The following FABP6 variants were observed in gnomAD, a reference collection of about 807,000 sequenced individuals.
The protein encoded by FABP6 is gastrotropin.
FABP6 carries 13 observed loss-of-function variants against 14.9 expected under a neutral mutation model. That is an observed-to-expected ratio of 0.87 (90% confidence interval 0.57 to 1.39). The LOEUF is 1.39. Among genes scored for constraint, FABP6 ranks in the 40% most tolerant of loss-of-function variants. FABP6 has a pLI of 0.00. For synonymous variants in FABP6, 75 were observed against 63.6 expected (o/e 1.18, Z -0.85); for missense variants, 161 against 167.2 (o/e 0.96, Z 0.20).
intron 3 of FABP6, among the ~76,000 whole-genome samples, chr5:160,218,737 G>C (rs534005615): frequency 6.6e-6 from 1 of 150,490 alleles, no homozygotes; most frequent in African/African-American, 2.4e-5. Context: ...TTGGGATTAC[G>C]GGCATGAGCC....
intron 2 of FABP6, among the ~76,000 whole-genome samples, chr5:160,201,625 G>A (rs1250551845): frequency 6.6e-6 from 1 of 151,968 alleles, no homozygotes; most frequent in Non-Finnish European, 1.5e-5. Flanking sequence ...AGCCAGGTGG[G>A]ATTCCCTCTC....
intron 2 of FABP6, among the ~76,000 whole-genome samples, chr5:160,201,069 T>C (rs1409402339): frequency 6.6e-6 from 1 of 152,104 alleles, no homozygotes; most frequent in Non-Finnish European, 1.5e-5. Context: ...AAACTAGTAG[T>C]TTTGAGTTGG....
At chr5:160,206,772 G>A (rs1580905705) in intron 2 of FABP6, among the ~76,000 whole-genome samples, 1 of 152,182 alleles carries the variant, frequency 6.6e-6, no homozygotes, top group African/African-American at 2.4e-5. Flanking sequence ...GAAATAGTTA[G>A]GAGAGGGACT....
chr5:160,232,902 AAAAT>A (rs1055890861), intron 2 of FABP6, among the ~76,000 whole-genome samples: 3 of 151,384 alleles, frequency 2.0e-5, no homozygotes, highest in African/African-American at 4.9e-5. Context: ...ATCACACAAA[AAAAT>A]AAATAAATAA....
upstream of FABP6, among the ~76,000 whole-genome samples, chr5:160,226,559 A>G (rs1314639345): frequency 6.6e-6 from 1 of 151,938 alleles, no homozygotes; most frequent in Non-Finnish European, 1.5e-5. Context: ...GTAAATATAA[A>G]CTATACACTG....
intron 3 of FABP6, among the ~76,000 whole-genome samples, chr5:160,235,830 A>G (rs1760502330): frequency 6.6e-6 from 1 of 151,952 alleles, no homozygotes; most frequent in Admixed American, 6.6e-5. Context: ...AGCCCTGTCA[A>G]GAGGAAAGGA....
intron 2 of FABP6, among the ~76,000 whole-genome samples, chr5:160,199,498 C>T (rs932038839): frequency 1.3e-5 from 2 of 152,120 alleles, no homozygotes; most frequent in Non-Finnish European, 2.9e-5. Context: ...CGGGCCGTGC[C>T]GTGCCAAGCC....
chr5:160,236,431 CA>C (rs1463355870), intron 3 of FABP6, among the ~76,000 whole-genome samples: 1 of 152,146 alleles, frequency 6.6e-6, no homozygotes, highest in Non-Finnish European at 1.5e-5. Flanking sequence ...TGACCTTTAT[CA>C]TATGGGTTTG....
chr5:160,232,089 C>T lies in FABP6; in HGVS notation c.68-9C>T, dbSNP rs192505704. The stretch of plus-strand genomic sequence containing the variant: ...CTTATATGGCTACTCTGCTTGTCCC[C>T]GGGTCCAGGGATCTCCAGCGATGTA... On this transcript the variant is annotated splice_polypyrimidine_tract_variant and intron_variant, in intron 1 of 3. Coordinates refer to ENST00000402432, the MANE Select transcript of FABP6 (RefSeq NM_001445.3). The T allele has an allele frequency of 1.7e-4, 280 of 1,613,170 alleles. No individual in the cohort carries two copies. The East Asian group carries it at 4.8e-3, about 28-fold the overall frequency.
At chr5:160,205,058 G>T (rs1349705357) in intron 2 of FABP6, among the ~76,000 whole-genome samples, 3 of 152,090 alleles carry the variant, frequency 2.0e-5, no homozygotes, top group African/African-American at 7.2e-5. Context: ...AAAACTGAAA[G>T]TTTCTCAGAG....
chr5:160,229,428 GAGA>G, upstream of FABP6: 2 of 1,539,808 alleles, frequency 1.3e-6, no homozygotes, highest in Admixed American at 1.9e-5. Flanking sequence ...GGACAGGAGG[GAGA>G]AGAAGTGGGG....
Position 160,229,634 on chromosome 5 carries a change from C to G in FABP6, c.67+10C>G, listed in dbSNP as rs765150390. The G allele has an allele frequency of 6.2e-7, 1 of 1,613,368 alleles. No individual in the cohort carries two copies. The highest frequency in any genetic ancestry group is 8.5e-7 in the Non-Finnish European group (1 of 1,179,524). ...TTCATGAAGCTCCTTGGTGAGTGAG[C>G]TCCTGGGTATCCCTTCCTCGGGGTT... On this transcript the variant is annotated intron_variant, in intron 1 of 3. Coordinates refer to ENST00000402432, the MANE Select transcript of FABP6 (RefSeq NM_001445.3).
At chr5:160,212,620 C>G (rs1405292011) in intron 2 of FABP6, among the ~76,000 whole-genome samples, 3 of 152,100 alleles carry the variant, frequency 2.0e-5, no homozygotes, top group Admixed American at 2.0e-4. Flanking sequence ...AGGCACCCAC[C>G]ACCACGCCTG....
intron 2 of FABP6, among the ~76,000 whole-genome samples, chr5:160,208,290 TAGTC>T (rs1229479739): frequency 6.6e-6 from 1 of 151,874 alleles, no homozygotes; most frequent in Non-Finnish European, 1.5e-5. Context: ...AAAAAAAAAT[TAGTC>T]AGGTGAGGTG....
chr5:160,201,000 C>T (rs369986749), intron 2 of FABP6, among the ~76,000 whole-genome samples: 9 of 152,254 alleles, frequency 5.9e-5, no homozygotes, highest in African/African-American at 1.7e-4. Context: ...TATATATACA[C>T]ATATGAATGT....
At chr5:160,207,410 G>A (rs1044554521) in intron 2 of FABP6, among the ~76,000 whole-genome samples, 2 of 152,164 alleles carry the variant, frequency 1.3e-5, no homozygotes, top group South Asian at 4.1e-4. Context: ...TTTGTATGGG[G>A]TTATTTAGGT....
intron 2 of FABP6, among the ~76,000 whole-genome samples, chr5:160,202,801 A>C (rs1759672570): frequency 7.0e-6 from 1 of 142,344 alleles, no homozygotes; most frequent in African/African-American, 3.0e-5. Flanking sequence ...TCCATCTCAA[A>C]AAAAAAAAAA....
chr5:160,221,088 C>CAAA (rs397884568), intron 3 of FABP6, among the ~76,000 whole-genome samples: 52 of 72,658 alleles, frequency 7.2e-4, no homozygotes, highest in African/African-American at 1.1e-3. Context: ...GACTTTCTCT[C>CAAA]AAAAAAAAAA....
At position 160,215,461 on chromosome 5, in the gene FABP6, C is replaced by T. The variant is rs375220190; in HGVS notation, c.135+1642C>T. Among the ~76,000 whole-genome samples, 86 of 151,264 alleles carry T rather than the reference C, an allele frequency of 5.7e-4. No individual in the cohort carries two copies. In the South Asian group the frequency reaches 0.017, roughly 29 times the overall value. ...CCTTGAGGCAGAGGTTGCAGTGAGC[C>T]GAGATCATGCCACTGCACTCCAGCC... On this transcript the variant is annotated intron_variant, in intron 3 of 6. Transcript: ENST00000393980.
Sources: allele counts gnomAD v4.1 joint callset (sites outside exome capture counted in the v4.1 genomes callset), GRCh38; gene constraint gnomAD v4.1.1; transcripts MANE v1.5; gene names NCBI Gene and HGNC (gene_info 2026-07-23, HGNC 2026-07-21).